ADAMTS20: variants seen among roughly 807,000 people sequenced by gnomAD.
ADAMTS20 encodes A disintegrin and metalloproteinase with thrombospondin motifs 20.
Under a neutral mutation model 260.1 loss-of-function variants are expected in ADAMTS20, and 225 were observed. That is an observed-to-expected ratio of 0.87 (90% CI 0.78 to 0.97). The LOEUF is 0.97. Ranked by LOEUF, ADAMTS20 falls within the 50% of genes least tolerant of loss-of-function variation. ADAMTS20 has a pLI of 0.00. For missense variants in ADAMTS20, 2,400 were observed against 2,337.7 expected (o/e 1.03, Z -0.55); for synonymous variants, 802 against 769.5 (o/e 1.04, Z -0.70).
intron 2 of ADAMTS20, among the ~76,000 whole-genome samples, chr12:43,542,709 A>G (rs1047871853): frequency 5.3e-5 from 8 of 152,222 alleles, no homozygotes; most frequent in African/African-American, 1.7e-4. Flanking sequence ...GGCTTTGGCA[A>G]CTGTCACAGA....
At chr12:43,443,928 G>A (rs777889116) in intron 15 of ADAMTS20, 45 bp from the exon 16 acceptor site, 1 of 1,507,294 alleles carries the variant, frequency 6.6e-7, no homozygotes, top group Non-Finnish European at 9.2e-7. Flanking sequence ...AAAAGCAGAT[G>A]GCCCAGAGGT....
chr12:43,381,377 G>A (rs1042844991), intron 31 of ADAMTS20, among the ~76,000 whole-genome samples: 3 of 151,950 alleles, frequency 2.0e-5, no homozygotes, highest in Non-Finnish European at 2.9e-5. Context: ...CTTCATCAAA[G>A]CATACTATTA....
intron 14 of ADAMTS20, among the ~76,000 whole-genome samples, chr12:43,452,023 A>ATTCCTATTCTG (rs1465047812): frequency 3.9e-5 from 6 of 152,080 alleles, no homozygotes; most frequent in African/African-American, 1.4e-4. Flanking sequence ...TATTTTGATT[A>ATTCCTATTCTG]TGAGTACAAT....
At chr12:43,470,566 A>G (rs1306613794) in intron 7 of ADAMTS20, among the ~76,000 whole-genome samples, 29 of 152,210 alleles carry the variant, frequency 1.9e-4, no homozygotes, top group Admixed American at 1.8e-3. Flanking sequence ...TGGGTTCTCT[A>G]AAAGTTTAAA....
chr12:43,502,325 C>T lies in ADAMTS20; in HGVS notation c.694G>A (p.Val232Ile), dbSNP rs963655466. Residue 232 changes from valine (V) to isoleucine (I), a missense_variant, in exon 4 of 39, where the codon GTT becomes ATT. Physicochemically the swap from Val to Ile is conservative, Grantham distance 29. Transcript: ENST00000389420. ...ACATTTTTTGATGTGTGTCCTAAAA[C>T]TCTTTCTTTCATTACATTAAGATCT... ...NEDLNVMKER[V>I]LGHTSKNVPL... The T allele has an allele frequency of 6.2e-7, 1 of 1,610,786 alleles. No individual in the cohort carries two copies.
chr12:43,389,930 A>G (rs1940563001), intron 29 of ADAMTS20, among the ~76,000 whole-genome samples: 1 of 152,180 alleles, frequency 6.6e-6, no homozygotes. Flanking sequence ...CCACACAAGC[A>G]TGACTCATTT....
chr12:43,453,847 A>T (rs1941913790), intron 12 of ADAMTS20, 60 bp downstream of exon 12: 1 of 1,539,328 alleles, frequency 6.5e-7, no homozygotes, highest in Non-Finnish European at 8.8e-7. Context: ...AGTGAAACTG[A>T]TGTTTACTTT....
chr12:43,465,295 A>G (rs1489356426), intron 9 of ADAMTS20, among the ~76,000 whole-genome samples: 1 of 152,108 alleles, frequency 6.6e-6, no homozygotes, highest in East Asian at 1.9e-4. Flanking sequence ...GTTCCCATCA[A>G]TTCCTAAGAT....
At position 43,377,504 on chromosome 12, in the gene ADAMTS20, G is replaced by A. The variant is rs773179786; in HGVS notation, c.4856C>T (p.Pro1619Leu). 9 of 1,613,582 alleles carry A rather than the reference G, an allele frequency of 5.6e-6. No individual in the cohort carries two copies. In the Admixed American group the frequency reaches 1.3e-4, roughly 24 times the overall value. Residue 1619 changes from proline to leucine, a missense_variant, in exon 32 of 39, where the codon CCA becomes CTA. By Grantham distance (98) the Pro-to-Leu change is moderately conservative. Transcript: ENST00000389420. ...ATGGAGCTTATGTTTCTTAGTAGAT[G>A]GGATCTCGGTGCAATATGTAATCCT... ...RQRITYCTEIPSTKKHKLHRL... is the reference protein window; with the variant it reads ...RQRITYCTEILSTKKHKLHRL...
chr12:43,483,504 C>T (rs1942473074), intron 7 of ADAMTS20, among the ~76,000 whole-genome samples: 1 of 152,158 alleles, frequency 6.6e-6, no homozygotes, highest in Admixed American at 6.5e-5. Flanking sequence ...TGGAGTACTT[C>T]AGGGTGACAA....
chr12:43,464,482 C>T, intron 10 of ADAMTS20, 109 bp downstream of exon 10: 2 of 1,315,620 alleles, frequency 1.5e-6, no homozygotes, highest in Non-Finnish European at 2.1e-6. Context: ...ACTAAATTAT[C>T]AGACTTAAAA....
chr12:43,411,280 A>G (rs987143858), intron 28 of ADAMTS20, among the ~76,000 whole-genome samples: 10 of 152,310 alleles, frequency 6.6e-5, no homozygotes, highest in African/African-American at 1.9e-4. Flanking sequence ...AGGTGTCTAA[A>G]TGAAACCTTT....
At chr12:43,506,305 A>C (rs11182118) in intron 3 of ADAMTS20, among the ~76,000 whole-genome samples, 30,214 of 152,028 alleles carry the variant, frequency 0.2, 3,363 homozygotes, top group Middle Eastern at 0.3. Context: ...TGAAACAAAA[A>C]GTATACTGGT....
At chr12:43,477,197 A>C (rs1942371706) in intron 7 of ADAMTS20, among the ~76,000 whole-genome samples, 1 of 152,186 alleles carries the variant, frequency 6.6e-6, no homozygotes, top group South Asian at 2.1e-4. Context: ...AAGCTATAAA[A>C]CCATAATTGG....
chr12:43,450,079 G>A (rs1941837190), intron 14 of ADAMTS20, among the ~76,000 whole-genome samples: 1 of 152,080 alleles, frequency 6.6e-6, no homozygotes, highest in African/African-American at 2.4e-5. Context: ...TTTAACTCAT[G>A]ACCTTAGAAC....
At chr12:43,464,862 C>T (rs1942126520) in intron 9 of ADAMTS20, 130 bp from the exon 10 acceptor site, 1 of 951,192 alleles carries the variant, frequency 1.1e-6, no homozygotes, top group Non-Finnish European at 1.5e-6. Context: ...CTTTAAAAAC[C>T]AACTCACATC....
chr12:43,469,858 T>C (rs1176217494), intron 7 of ADAMTS20, among the ~76,000 whole-genome samples: 1 of 152,136 alleles, frequency 6.6e-6, no homozygotes, highest in Non-Finnish European at 1.5e-5. Context: ...AACTGAGGAA[T>C]CCAAATAAGC....
intron 2 of ADAMTS20, among the ~76,000 whole-genome samples, chr12:43,539,978 G>T (rs1356154263): frequency 6.6e-6 from 1 of 151,988 alleles, no homozygotes; most frequent in African/African-American, 2.4e-5. Flanking sequence ...CACCTCCCGG[G>T]TTCAAGTGAT....
intron 2 of ADAMTS20, among the ~76,000 whole-genome samples, chr12:43,547,259 G>A (rs1057217832): frequency 2.6e-5 from 4 of 152,108 alleles, no homozygotes; most frequent in Admixed American, 1.3e-4. Context: ...TGCCACCAGC[G>A]AAGGGAATGA....
Sources: gnomAD v4.1 joint callset for allele counts (sites outside exome capture counted in the v4.1 genomes callset) on GRCh38, gnomAD v4.1.1 for gene constraint, MANE v1.5 for transcripts, NCBI Gene and HGNC (gene_info 2026-07-23, HGNC 2026-07-21) for gene names.